The following TMEM245 variants were observed in gnomAD, a reference collection of about 807,000 sequenced individuals.
TMEM245 encodes the protein transmembrane protein 245.
A neutral mutation model predicts 101.2 loss-of-function variants in TMEM245; 69 were observed. The ratio of observed to expected loss-of-function variants is 0.68; its 90% CI spans 0.56 to 0.83. The LOEUF (loss-of-function observed/expected upper bound fraction) is 0.83. TMEM245 is among the 40% of genes least tolerant of loss of function. The pLI, the probability that TMEM245 is intolerant of heterozygous loss-of-function variation, is 0.00. For missense variants in TMEM245, 1,075 were observed against 1,092.8 expected, an observed-to-expected ratio of 0.98 and a Z score of 0.23; for synonymous variants, 537 against 449.8, an observed-to-expected ratio of 1.19 and a Z score of -2.45.
chr9:109,046,898 T>C (rs892300189), intron 14 of TMEM245, among the ~76,000 whole-genome samples: 1 of 152,200 alleles, frequency 6.6e-6, no homozygotes, highest in African/African-American at 2.4e-5. Context: ...GAGAACTCAC[T>C]ACCATCTTCT....
chr9:109,031,342 G>T (rs1285997345), intron 17 of TMEM245, among the ~76,000 whole-genome samples: 1 of 152,088 alleles, frequency 6.6e-6, no homozygotes, highest in Non-Finnish European at 1.5e-5. Context: ...GACATAAACT[G>T]CAAACTACCC....
rs1416303629 is a variant in TMEM245, at chr9:109,087,272, C to G, written c.1221G>C (p.Trp407Cys). 6 of 1,613,802 alleles carry G rather than the reference C, an allele frequency of 3.7e-6. No individual in the cohort carries two copies. Among genetic ancestry groups the G allele is most frequent in the African/African-American group, 2.7e-5 (2 of 74,894 alleles). The change falls in exon 6 of 18, where the codon TGG (tryptophan) becomes TGC (cysteine). Residue 407 changes from tryptophan (W) to cysteine (C), a missense_variant. Coordinates refer to ENST00000374586, the MANE Select transcript of TMEM245 (RefSeq NM_032012.4). ...TCAGGAAGCTTTCTATAATGCCCCA[C>G]CACACATGGTAGCGTTTCTCTAGGA... ...VDFLEKRYHV[W>C]WGIIESFLKE...
intron 13 of TMEM245, 32 bp from the exon 14 acceptor site, chr9:109,050,460 A>G: frequency 6.2e-7 from 1 of 1,612,730 alleles, no homozygotes; most frequent in Non-Finnish European, 8.5e-7. Flanking sequence ...CTCCTAAAAA[A>G]ATCGTATTTG....
At chr9:109,048,851 C>T (rs916211635) in intron 14 of TMEM245, among the ~76,000 whole-genome samples, 5 of 152,282 alleles carry the variant, frequency 3.3e-5, no homozygotes, top group South Asian at 2.1e-4. Context: ...GAAGTCATAA[C>T]GAAAAAGTTT....
chr9:109,095,317 C>G (rs561896986), intron 3 of TMEM245, among the ~76,000 whole-genome samples: 20 of 152,204 alleles, frequency 1.3e-4, no homozygotes, highest in Non-Finnish European at 2.2e-4. Context: ...GACCCTGCCC[C>G]CAGGGAGTAT....
rs1170900319 is a variant in TMEM245, at chr9:109,016,669, T to G, written c.*3791A>C. ...CAGACAGCATGTGTGTTTTTTTTTT[T>G]TTTTTTTTTTGCAGGTTCCCAATAA... On this transcript the variant is annotated 3_prime_UTR_variant, in exon 18 of 18. Transcript: ENST00000374586. 6.6e-6 allele frequency: 1 copy of G among 151,818 alleles called. No individual in the cohort carries two copies. The highest frequency in any genetic ancestry group is 2.1e-4 in the South Asian group (1 of 4,820). 9.4% of individuals were successfully genotyped at this position (151,818 alleles called of 1,614,324 possible).
chr9:109,056,440 CAAAAAAAAAA>C (rs753175633), intron 12 of TMEM245, among the ~76,000 whole-genome samples: 3 of 36,768 alleles, frequency 8.2e-5, no homozygotes, highest in African/African-American at 1.8e-4. Context: ...ACTAAAAATG[CAAAAAAAAAA>C]AAAAAAAAAA....
chr9:109,046,210 C>G (rs765381135), intron 14 of TMEM245: 1 of 534,096 alleles, frequency 1.9e-6, no homozygotes, highest in Non-Finnish European at 3.9e-6. Context: ...GAGCCATACC[C>G]GTGTGCATGC....
chr9:109,091,617 C>T lies in TMEM245; in HGVS notation c.917-462G>A, dbSNP rs368180524. Among the ~76,000 whole-genome samples, 3 of 152,234 alleles carry T rather than the reference C, an allele frequency of 2.0e-5. 1 individual carries two copies. The highest frequency in any genetic ancestry group is 7.2e-5 in the African/African-American group (3 of 41,544). On this transcript the variant is annotated intron_variant, in intron 4 of 17. Coordinates refer to ENST00000374586, the MANE Select transcript of TMEM245 (RefSeq NM_032012.4). Reference sequence around the variant, plus strand: ...GTTATTTCACCTAAAATGGAACCAACCAATCTTACAAGAACCCAGGGCTTT... The same window carrying T: ...GTTATTTCACCTAAAATGGAACCAATCAATCTTACAAGAACCCAGGGCTTT...
At chr9:109,068,295 G>A (rs563934498) in intron 9 of TMEM245, among the ~76,000 whole-genome samples, 17 of 151,616 alleles carry the variant, frequency 1.1e-4, no homozygotes, top group African/African-American at 3.9e-4. Flanking sequence ...GCGTGCACCT[G>A]GGAGACGGAG....
chr9:109,103,778 T>G (rs2583375), intron 3 of TMEM245, among the ~76,000 whole-genome samples: 10,717 of 151,956 alleles, frequency 0.071, 503 homozygotes, highest in African/African-American at 0.12. Flanking sequence ...TGGTTATTAA[T>G]AGGTACCAAA....
At chr9:109,053,433 G>A (rs1475015957) in intron 12 of TMEM245, among the ~76,000 whole-genome samples, 1 of 151,666 alleles carries the variant, frequency 6.6e-6, no homozygotes, top group Non-Finnish European at 1.5e-5. Flanking sequence ...TCTCTGAGGG[G>A]GAAAAAAAAG....
chr9:109,083,920 A>C (rs985797728), intron 7 of TMEM245, among the ~76,000 whole-genome samples: 6 of 144,122 alleles, frequency 4.2e-5, no homozygotes, highest in Non-Finnish European at 9.1e-5. Context: ...AAAAAAAAAA[A>C]AAAAAAAAAC....
intron 6 of TMEM245, among the ~76,000 whole-genome samples, 190 bp from the exon 7 acceptor site, chr9:109,086,210 G>A (rs567849262): frequency 1.2e-4 from 19 of 152,282 alleles, no homozygotes; most frequent in Non-Finnish European, 2.4e-4. Flanking sequence ...ATTCCTTTAA[G>A]ATATATAATG....
intron 9 of TMEM245, chr9:109,073,151 G>A (rs923136285): frequency 3.6e-6 from 2 of 553,688 alleles, no homozygotes; most frequent in Non-Finnish European, 6.5e-6. Flanking sequence ...CATTTACCAT[G>A]AATTGTACCT....
chr9:109,059,547 T>C (rs1363227987), intron 11 of TMEM245, among the ~76,000 whole-genome samples: 1 of 152,060 alleles, frequency 6.6e-6, no homozygotes, highest in Non-Finnish European at 1.5e-5. Context: ...CCAGGCATGG[T>C]GGCATGCACC....
chr9:109,028,557 T>C (rs1194699479), intron 17 of TMEM245, among the ~76,000 whole-genome samples: 1 of 152,084 alleles, frequency 6.6e-6, no homozygotes. Flanking sequence ...GATTTGGGAT[T>C]TGGGATGCTC....
Position 109,050,602 on chromosome 9 carries a change from C to T in TMEM245, c.1945G>A (p.Gly649Arg), listed in dbSNP as rs1464947935. Reference protein sequence around the residue: ...TTLLTILFYSGTALLNFVLSL... With the variant: ...TTLLTILFYSRTALLNFVLSL... ...AGTACAAAATTGAGAAGGGCTGTCC[C>T]GCTGTAGAAGAGGATGGTCAAGAGT... is the stretch of plus-strand genomic sequence containing the variant. Residue 649 changes from glycine (G) to arginine (R), a missense_variant, in exon 13 of 18, where the codon GGG becomes AGG. Gly to Arg is a moderately radical substitution (Grantham distance 125). This residue lies in a region of TMEM245 where 267 missense variants were observed against 351.3 expected (regional missense o/e 0.76). Transcript: ENST00000374586. 3 of 1,613,492 alleles carry T rather than the reference C, an allele frequency of 1.9e-6. No individual in the cohort carries two copies. The highest frequency in any genetic ancestry group is 2.5e-6 in the Non-Finnish European group (3 of 1,179,944).
At chr9:109,101,786 C>T (rs1830287997) in intron 3 of TMEM245, among the ~76,000 whole-genome samples, 1 of 152,180 alleles carries the variant, frequency 6.6e-6, no homozygotes, top group African/African-American at 2.4e-5. Flanking sequence ...CATCACTACT[C>T]TAAGTTTATG....
Sources: allele counts gnomAD v4.1 joint callset (sites outside exome capture counted in the v4.1 genomes callset), GRCh38; gene constraint gnomAD v4.1.1; regional missense constraint gnomAD v4.1.1; transcripts MANE v1.5; gene names NCBI Gene and HGNC (gene_info 2026-07-23, HGNC 2026-07-21).